Variants in SUDS3 observed in about 807,000 individuals in gnomAD.
SUDS3 encodes the protein SIN3A corepressor complex component SDS3.
A neutral mutation model predicts 53.5 loss-of-function variants in SUDS3; 23 were observed. The ratio of observed to expected loss-of-function variants is 0.43; its 90% CI spans 0.31 to 0.61. The LOEUF (loss-of-function observed/expected upper bound fraction) is 0.61. SUDS3 is among the 20% of genes least tolerant of loss of function. SUDS3 has a pLI of 0.10. For synonymous variants in SUDS3, 150 were observed against 148.5 expected (o/e 1.01, Z -0.08); for missense variants, 291 against 405.9 (o/e 0.72, Z 2.43).
chr12:118,407,841 C>T (rs577772069), intron 10 of SUDS3, among the ~76,000 whole-genome samples: 2 of 151,674 alleles, frequency 1.3e-5, no homozygotes, highest in African/African-American at 4.8e-5. Flanking sequence ...ACCTCAGCCT[C>T]CTGAGTAGCT....
chr12:118,381,126 G>A (rs544417119), intron 2 of SUDS3, among the ~76,000 whole-genome samples: 6 of 152,282 alleles, frequency 3.9e-5, no homozygotes, highest in Middle Eastern at 3.4e-3. Context: ...ACAAGGTGCC[G>A]GAGGCCTGGA....
chr12:118,382,444 C>G (rs1400065942), intron 2 of SUDS3, among the ~76,000 whole-genome samples: 1 of 151,898 alleles, frequency 6.6e-6, no homozygotes, highest in East Asian at 1.9e-4. Flanking sequence ...TCACTGCAGT[C>G]TCAACCTCTG....
chr12:118,386,152 G>A lies in SUDS3; in HGVS notation c.307G>A (p.Asp103Asn). Residue 103 changes from aspartate to asparagine, a missense_variant, in exon 4 of 12, where the codon GAT (aspartate) becomes AAT (asparagine). Transcript: ENST00000543473. ...QEYQKRMKKL[D>N]QQYKERIRNA... The stretch of plus-strand genomic sequence containing the variant: ...ATATCAGAAGAGAATGAAAAAACTA[G>A]ATCAGCAGTACAAAGAGAGGATACG... 6.2e-7 allele frequency: 1 copy of A among 1,602,334 alleles called. No individual in the cohort carries two copies. Among genetic ancestry groups the A allele is most frequent in the Non-Finnish European group, 8.5e-7 (1 of 1,174,170 alleles).
At chr12:118,387,802 C>T (rs900335859) in intron 4 of SUDS3, among the ~76,000 whole-genome samples, 4 of 152,136 alleles carry the variant, frequency 2.6e-5, no homozygotes, top group Non-Finnish European at 4.4e-5. Context: ...CCGCCCGGCT[C>T]GCCTTGGCCT....
In SUDS3 at chr12:118,411,131, G is replaced by A. The variant is rs879223193; in HGVS notation, c.862G>A (p.Val288Met). Residue 288 changes from valine (V) to methionine (M), a missense_variant, in exon 11 of 12, where the codon GTG becomes ATG. Val to Met is a conservative substitution (Grantham distance 21, BLOSUM62 1). Transcript: ENST00000543473. ...ESKDNQKLSC[V>M]ISSVGANEIW... ...AAAGGACAACCAGAAACTGAGCTGC[G>A]TGATCAGTTCTGTAGGAGCCAATGA... 39 of 1,600,598 alleles carry A rather than the reference G, an allele frequency of 2.4e-5. No individual in the cohort carries two copies. Among genetic ancestry groups the A allele is most frequent in the Non-Finnish European group, 3.2e-5 (38 of 1,173,600 alleles).
At position 118,414,526 on chromosome 12, in the gene SUDS3, A is replaced by G; in HGVS notation, c.*93A>G. 5 of 1,045,958 alleles carry G rather than the reference A, an allele frequency of 4.8e-6. No homozygotes were observed. The highest frequency in any genetic ancestry group is 6.8e-6 in the Non-Finnish European group (5 of 740,508). 64.8% of individuals were successfully genotyped at this position (1,045,958 alleles called of 1,614,324 possible). A position where few individuals can be genotyped will look rare whatever the true frequency, so the allele number is the denominator to read the frequency against. Reference sequence around the variant, plus strand: ...CTCCTTAATAGAAAAATGTTAACTTACTGGGAATAGCTACTCAGCCTTGGA... The same window carrying G: ...CTCCTTAATAGAAAAATGTTAACTTGCTGGGAATAGCTACTCAGCCTTGGA... On this transcript the variant is annotated 3_prime_UTR_variant, in exon 12 of 12. Coordinates refer to ENST00000543473, the MANE Select transcript of SUDS3 (RefSeq NM_022491.3).
chr12:118,386,839 AAAGT>A (rs1230491830), intron 4 of SUDS3, among the ~76,000 whole-genome samples: 26 of 152,356 alleles, frequency 1.7e-4, no homozygotes, highest in Middle Eastern at 3.4e-3. Flanking sequence ...AGCCATGCAG[AAAGT>A]AAGATGTGAC....
At chr12:118,404,570 T>A (rs983441174) in intron 10 of SUDS3, 1 of 152,250 alleles carries the variant, frequency 6.6e-6, no homozygotes, top group Admixed American at 6.5e-5. Flanking sequence ...CTGCTAGATA[T>A]GAAATGGATA....
Position 118,376,620 on chromosome 12 carries a change from G to A in SUDS3, c.-72G>A. The stretch of plus-strand genomic sequence containing the variant: ...TTGGGGGCTGCCGCGGACACTGCTA[G>A]GCAGACGGCGAGTACCGAGCGCGGG... On this transcript the variant is annotated 5_prime_UTR_variant, in exon 1 of 12. Coordinates refer to ENST00000543473, the MANE Select transcript of SUDS3 (RefSeq NM_022491.3). The A allele has an allele frequency of 7.3e-7, 1 of 1,375,648 alleles. No individual in the cohort carries two copies. The highest frequency in any genetic ancestry group is 9.3e-7 in the Non-Finnish European group (1 of 1,071,122). The allele number at this position is 1,375,648 out of a possible 1,614,324, so 85.2% of individuals were successfully genotyped here.
At position 118,400,314 on chromosome 12, in the gene SUDS3, C is replaced by G. The variant is rs574322778; in HGVS notation, c.518-345C>G. Among the ~76,000 whole-genome samples the G allele has an allele frequency of 1.4e-3, 211 of 152,174 alleles. 2 individuals are homozygous for G. Among genetic ancestry groups the G allele is most frequent in the Non-Finnish European group, 2.5e-3 (167 of 68,002 alleles). On this transcript the variant is annotated intron_variant, in intron 6 of 11. Transcript: ENST00000543473. ...GCTGAGATGACCTTCAGGTTCCTTC[C>G]TATCCCGAGAGCCTGTGACTCTGGG...
chr12:118,381,834 G>C (rs146282002), intron 2 of SUDS3, among the ~76,000 whole-genome samples: 2 of 152,106 alleles, frequency 1.3e-5, no homozygotes, highest in East Asian at 3.9e-4. Context: ...GATGGAAAAC[G>C]GTATAAAGTA....
At position 118,387,213 on chromosome 12, in the gene SUDS3, C is replaced by A. The variant is rs117370118; in HGVS notation, c.340+1028C>A. On this transcript the variant is annotated intron_variant, in intron 4 of 11. Coordinates refer to ENST00000543473, the MANE Select transcript of SUDS3 (RefSeq NM_022491.3). ...CTTCTACCTCTCCCTGCTGTTACCCCCTTTCTACTCTGAGTTCCTGAAGCA... is the reference window on the plus strand; with the variant it reads ...CTTCTACCTCTCCCTGCTGTTACCCACTTTCTACTCTGAGTTCCTGAAGCA... Among the ~76,000 whole-genome samples the A allele has an allele frequency of 1.6e-4, 25 of 152,266 alleles. 1 individual carries two copies. The East Asian group carries it at 4.4e-3, about 27-fold the overall frequency.
intron 6 of SUDS3, among the ~76,000 whole-genome samples, chr12:118,394,722 A>G (rs2046198404): frequency 6.6e-6 from 1 of 152,192 alleles, no homozygotes; most frequent in Non-Finnish European, 1.5e-5. Flanking sequence ...GTCTCACTCC[A>G]GTTGCCAAGG....
intron 6 of SUDS3, among the ~76,000 whole-genome samples, chr12:118,392,249 A>G (rs1393663375): frequency 6.6e-6 from 1 of 152,206 alleles, no homozygotes; most frequent in African/African-American, 2.4e-5. Flanking sequence ...AAATGCATGC[A>G]GTGTTTTTGT....
At chr12:118,386,075 T>C (rs892131621) in intron 3 of SUDS3, 39 bp from the exon 4 acceptor site, 2 of 1,473,344 alleles carry the variant, frequency 1.4e-6, no homozygotes, top group Middle Eastern at 1.7e-4. Context: ...AGCAGATTTA[T>C]ATTCACAATA....
chr12:118,400,255 A>T (rs1173257841), intron 6 of SUDS3, among the ~76,000 whole-genome samples: 1 of 152,140 alleles, frequency 6.6e-6, no homozygotes, highest in East Asian at 1.9e-4. Flanking sequence ...GCTTCAGCAC[A>T]CCCACCCTCT....
rs1035717428 is a variant in SUDS3, at chr12:118,416,619, T to A, written c.*2186T>A. On this transcript the variant is annotated 3_prime_UTR_variant, in exon 12 of 12. Transcript: ENST00000543473. ...GAATCAGCATAGTAAATTACATTTC[T>A]AATCCCAGAGGACTTAATATTTTCT... The A allele has an allele frequency of 6.6e-6, 1 of 152,252 alleles. No homozygotes were observed. Among genetic ancestry groups the A allele is most frequent in the Non-Finnish European group, 1.5e-5 (1 of 68,056 alleles). The allele number at this position is 152,252 out of a possible 1,614,324, so 9.4% of individuals were successfully genotyped here. A position where few individuals can be genotyped will look rare whatever the true frequency, so the allele number is the denominator to read the frequency against.
chr12:118,403,780 CTT>C (rs1225440544), intron 10 of SUDS3, among the ~76,000 whole-genome samples: 1 of 152,136 alleles, frequency 6.6e-6, no homozygotes, highest in African/African-American at 2.4e-5. Flanking sequence ...AGGCTGGTAT[CTT>C]GTGTGGTACC....
Position 118,376,845 on chromosome 12 carries a change from C to G in SUDS3, c.142+12C>G, listed in dbSNP as rs750333677. On this transcript the variant is annotated intron_variant, in intron 1 of 11. Coordinates refer to ENST00000543473, the MANE Select transcript of SUDS3 (RefSeq NM_022491.3). ...CGAGTCGGACGAAGGTGAGTCCTGC[C>G]GCTCGCCCGGCCGCCCGGAGCGGAG... 23 of 1,518,082 alleles carry G rather than the reference C, an allele frequency of 1.5e-5. No individual in the cohort carries two copies. The East Asian group carries it at 4.9e-4, about 33-fold the overall frequency. 94.0% of individuals were successfully genotyped at this position (1,518,082 alleles called of 1,614,324 possible).
Sources: allele counts gnomAD v4.1 joint callset (sites outside exome capture counted in the v4.1 genomes callset), GRCh38; gene constraint gnomAD v4.1.1; transcripts MANE v1.5; gene names NCBI Gene and HGNC (gene_info 2026-07-23, HGNC 2026-07-21).